RAPGEF5: variants seen among roughly 807,000 people sequenced by gnomAD.
The protein encoded by RAPGEF5 is M-Ras-regulated GEF.
RAPGEF5 carries 65 observed loss-of-function variants against 125.2 expected under a neutral mutation model. The ratio of observed to expected loss-of-function variants is 0.52; its 90% CI spans 0.43 to 0.64. The LOEUF is 0.64. RAPGEF5 is among the 30% of genes least tolerant of loss of function. The pLI is 0.00. For missense variants in RAPGEF5, 958 were observed against 1,048.1 expected, an observed-to-expected ratio of 0.91 and a Z score of 1.19; for synonymous variants, 391 against 385.9, an observed-to-expected ratio of 1.01 and a Z score of -0.16.
At chr7:22,167,041 C>T (rs375306194) in intron 12 of RAPGEF5, 29 bp downstream of exon 12, 2 of 1,565,474 alleles carry the variant, frequency 1.3e-6, no homozygotes, top group African/African-American at 2.7e-5. Flanking sequence ...AGGAAGTGGA[C>T]ACAGCAGCCT....
At chr7:22,197,395 C>G (rs548044891) in intron 9 of RAPGEF5, among the ~76,000 whole-genome samples, 7 of 152,324 alleles carry the variant, frequency 4.6e-5, no homozygotes, top group African/African-American at 1.7e-4. Context: ...AGAAGTCATA[C>G]AAGTAACACG....
At chr7:22,272,600 C>G (rs1782461467) in intron 6 of RAPGEF5, among the ~76,000 whole-genome samples, 1 of 151,956 alleles carries the variant, frequency 6.6e-6, no homozygotes, top group Non-Finnish European at 1.5e-5. Context: ...ATTTCCTAAA[C>G]TAAATGTAAG....
intron 1 of RAPGEF5, among the ~76,000 whole-genome samples, chr7:22,349,025 C>T (rs547179594): frequency 4.0e-5 from 6 of 149,300 alleles, no homozygotes; most frequent in African/African-American, 7.4e-5. Context: ...CAGAGGTGGA[C>T]GTTGCATGAG....
intron 1 of RAPGEF5, among the ~76,000 whole-genome samples, chr7:22,319,652 A>C (rs900168975): frequency 3.3e-5 from 5 of 152,196 alleles, no homozygotes. Flanking sequence ...AACAATTTAA[A>C]AGTTTTAAAT....
chr7:22,152,491 T>C (rs1783659390), intron 17 of RAPGEF5, among the ~76,000 whole-genome samples: 1 of 152,208 alleles, frequency 6.6e-6, no homozygotes, highest in South Asian at 2.1e-4. Context: ...CACTATAATA[T>C]GAAAGATTAA....
rs186220631 is a variant in RAPGEF5 at position 22,291,784 on chromosome 7, G to A, written c.681-543C>T. Among the ~76,000 whole-genome samples, 5 of 152,224 alleles carry A rather than the reference G, an allele frequency of 3.3e-5. No individual in the cohort carries two copies. The East Asian group carries it at 5.8e-4, about 18-fold the overall frequency. On this transcript the variant is annotated intron_variant, in intron 5 of 25. Coordinates refer to ENST00000665637, the MANE Select transcript of RAPGEF5 (RefSeq NM_012294.5). Reference sequence around the variant, plus strand: ...GTATTTGCTTTCTCAAGAGATTACCGCCCAACTAAGAAGCTAAGAATATTA... The same window carrying A: ...GTATTTGCTTTCTCAAGAGATTACCACCCAACTAAGAAGCTAAGAATATTA...
chr7:22,215,976 A>G (rs1785628266), intron 9 of RAPGEF5, among the ~76,000 whole-genome samples: 1 of 152,190 alleles, frequency 6.6e-6, no homozygotes, highest in Admixed American at 6.5e-5. Context: ...GAAACACAAC[A>G]TTCTTATGTC....
chr7:22,342,008 C>A (rs1226551376), intron 1 of RAPGEF5, among the ~76,000 whole-genome samples: 1 of 152,216 alleles, frequency 6.6e-6, no homozygotes, highest in African/African-American at 2.4e-5. Flanking sequence ...GGGCTCCCAC[C>A]CCACATTCCC....
At chr7:22,296,948 C>A (rs1330416050) in intron 5 of RAPGEF5, among the ~76,000 whole-genome samples, 1 of 152,170 alleles carries the variant, frequency 6.6e-6, no homozygotes, top group Non-Finnish European at 1.5e-5. Context: ...AGCATTTTGG[C>A]ATTTGGCAAC....
chr7:22,144,622 G>A (rs1240839739), intron 20 of RAPGEF5, among the ~76,000 whole-genome samples: 5 of 152,184 alleles, frequency 3.3e-5, no homozygotes, highest in South Asian at 2.1e-4. Context: ...TCTAATGAAC[G>A]AGTTCGCAAA....
chr7:22,140,838 G>A (rs1783235192), intron 20 of RAPGEF5, among the ~76,000 whole-genome samples: 1 of 152,150 alleles, frequency 6.6e-6, no homozygotes, highest in Non-Finnish European at 1.5e-5. Flanking sequence ...ACGGCAGCCA[G>A]AATAGCTGTG....
chr7:22,317,448 G>A lies in RAPGEF5; in HGVS notation c.282+539C>T, dbSNP rs543176380. On this transcript the variant is annotated intron_variant, in intron 2 of 25. Coordinates refer to ENST00000665637, the MANE Select transcript of RAPGEF5 (RefSeq NM_012294.5). ...GTAGAGATGGGGTTTCACCGTGTTG[G>A]CCAGGATGGTCTCAATCTCCTGACC... Among the ~76,000 whole-genome samples the A allele has an allele frequency of 2.6e-5, 4 of 151,916 alleles. No individual in the cohort carries two copies. The South Asian group carries it at 8.3e-4, about 32-fold the overall frequency.
chr7:22,203,055 CAAATTTTAAAAACACACACAA>C (rs1447405133), intron 9 of RAPGEF5: 1 of 171,044 alleles, frequency 5.8e-6, no homozygotes, highest in Non-Finnish European at 1.3e-5. Context: ...AAATATCATC[CAAATTTTAAAAACACACACAA>C]ATAACATAAA....
At chr7:22,249,115 C>T (rs1786552630) in intron 7 of RAPGEF5, among the ~76,000 whole-genome samples, 5 of 152,210 alleles carry the variant, frequency 3.3e-5, no homozygotes. Context: ...CCCTTGGGAC[C>T]TGCACACAGT....
intron 1 of RAPGEF5, among the ~76,000 whole-genome samples, chr7:22,332,543 C>T (rs1359263198): frequency 6.6e-6 from 1 of 152,254 alleles, no homozygotes; most frequent in South Asian, 2.1e-4. Context: ...TCTCCCTCCA[C>T]TCTCACCCAC....
In RAPGEF5 at chr7:22,167,057, T is replaced by G. The variant is rs759302916; in HGVS notation, c.1283+13A>C. 1.3e-6 allele frequency: 2 copies of G among 1,596,026 alleles called. No individual in the cohort carries two copies. The highest frequency in any genetic ancestry group is 2.7e-5 in the African/African-American group (2 of 74,454). On this transcript the variant is annotated intron_variant, in intron 12 of 25. Transcript: ENST00000665637. ...GGAAGTGGACACAGCAGCCTGAAGATAATGAAGGATATTGCCTTAACAGAG... is the reference window on the plus strand; with the variant it reads ...GGAAGTGGACACAGCAGCCTGAAGAGAATGAAGGATATTGCCTTAACAGAG...
chr7:22,281,360 C>G (rs533492869), intron 6 of RAPGEF5, among the ~76,000 whole-genome samples: 1 of 152,218 alleles, frequency 6.6e-6, no homozygotes, highest in South Asian at 2.1e-4. Flanking sequence ...CACAGGTGCA[C>G]GCCACCTCAT....
chr7:22,165,316 G>T (rs190354485), intron 12 of RAPGEF5, among the ~76,000 whole-genome samples: 2 of 152,272 alleles, frequency 1.3e-5, no homozygotes, highest in East Asian at 3.9e-4. Flanking sequence ...CATAGTTAAA[G>T]AATGTAGTTT....
At chr7:22,322,601 C>T (rs998629093) in intron 1 of RAPGEF5, among the ~76,000 whole-genome samples, 3 of 152,156 alleles carry the variant, frequency 2.0e-5, no homozygotes, top group African/African-American at 7.2e-5. Context: ...TTGTCCCATA[C>T]ATGTCTCTTA....
Sources: gnomAD v4.1 joint callset for allele counts (sites outside exome capture counted in the v4.1 genomes callset) on GRCh38, gnomAD v4.1.1 for gene constraint, MANE v1.5 for transcripts, NCBI Gene and HGNC (gene_info 2026-07-23, HGNC 2026-07-21) for gene names.